Variants in LRP4 observed in about 807,000 individuals in gnomAD.
LRP4 encodes low-density lipoprotein receptor-related protein 4.
Under a neutral mutation model 220.3 loss-of-function variants are expected in LRP4, and 95 were observed. The observed-to-expected ratio is 0.43, with a 90% confidence interval of 0.37 to 0.51. The LOEUF (loss-of-function observed/expected upper bound fraction) is 0.51, where lower values mean the gene tolerates loss of function less well. Among genes scored for constraint, LRP4 ranks in the 20% least tolerant of loss-of-function variants. LRP4 has a pLI of 0.00. For synonymous variants in LRP4, 903 were observed against 954.6 expected (o/e 0.95, Z 1.00); for missense variants, 1,925 against 2,567.0 (o/e 0.75, Z 5.40).
rs1395654762 is a variant in LRP4, at chr11:46,890,245, A to G, written c.1915+32T>C. On this transcript the variant is annotated intron_variant, in intron 14 of 37. Coordinates refer to ENST00000378623, the MANE Select transcript of LRP4 (RefSeq NM_002334.4). The surrounding 1 kb of genome is among the most constrained non-coding windows in gnomAD (Gnocchi z 5.3). ...GGGCAGGGACGGGGGCAGGAGGACA[A>G]GAGATGAAGGAGACTGAAGGAAGGG... 1 of 1,608,222 alleles carries G rather than the reference A, an allele frequency of 6.2e-7. No individual in the cohort carries two copies.
chr11:46,901,342 G>A (rs1302760560), intron 2 of LRP4, among the ~76,000 whole-genome samples: 4 of 152,086 alleles, frequency 2.6e-5, no homozygotes, highest in East Asian at 3.8e-4. Context: ...TGACACACCC[G>A]GGCTCAATTT....
intron 37 of LRP4, chr11:46,860,945 A>T (rs1940528662): frequency 1.0e-6 from 1 of 985,132 alleles, no homozygotes. Flanking sequence ...TCAAGAGGAA[A>T]TCAGAAGAGA....
At chr11:46,885,793 G>GAAC (rs1941277750) in intron 18 of LRP4, among the ~76,000 whole-genome samples, 1 of 139,776 alleles carries the variant, frequency 7.2e-6, no homozygotes, top group African/African-American at 2.7e-5. Context: ...AAAAAAAAAG[G>GAAC]CTGATTTACC....
intron 34 of LRP4, among the ~76,000 whole-genome samples, chr11:46,867,291 T>C (rs1259471047): frequency 2.6e-5 from 4 of 152,138 alleles, no homozygotes; most frequent in Non-Finnish European, 5.9e-5. Context: ...GGAAACCTTT[T>C]TGTTCCAAGT....
intron 37 of LRP4, among the ~76,000 whole-genome samples, chr11:46,861,394 C>T (rs1178929930): frequency 6.6e-6 from 1 of 151,822 alleles, no homozygotes; most frequent in East Asian, 1.9e-4. Flanking sequence ...AAGAAGTAGA[C>T]TGATGAGGAT....
intron 1 of LRP4, among the ~76,000 whole-genome samples, chr11:46,916,423 G>C (rs1941947117): frequency 6.6e-6 from 1 of 152,126 alleles, no homozygotes; most frequent in Non-Finnish European, 1.5e-5. Context: ...CTGGGCAACA[G>C]AGTGAGACAC....
chr11:46,859,288 C>A lies in LRP4; in HGVS notation c.5413G>T (p.Glu1805Ter). 6.2e-7 allele frequency: 1 copy of A among 1,614,070 alleles called. No homozygotes were observed. Among genetic ancestry groups the A allele is most frequent in the Non-Finnish European group, 8.5e-7 (1 of 1,180,010 alleles). ...EGGPDHNYTK[E>*]KIKIVEGICL... ...ATTCCCTCTACGATCTTGATCTTCT[C>A]CTTGGTGTAGTTATGGTCAGGCCCT... Residue 1805 changes from glutamate (E) to a stop codon, truncating the protein, a stop_gained, in exon 38 of 38, where the codon GAG (glutamate) becomes TAG (stop). Transcript: ENST00000378623. LOFTEE classifies it high-confidence loss of function.
Position 46,898,753 on chromosome 11 carries a change from G to A in LRP4, c.677-76C>T, listed in dbSNP as rs7113240. On this transcript the variant is annotated intron_variant, in intron 6 of 37. Transcript: ENST00000378623. ...GGCAGACTAGAAGGCCACAGCCCCA[G>A]AATCCCAGTTCCTCCATCTCTTCCC... The A allele has an allele frequency of 1.9e-4, 300 of 1,607,256 alleles. No homozygotes were observed. The African/African-American group carries it at 3.7e-3, about 20-fold the overall frequency.
chr11:46,874,901 A>G lies in LRP4; in HGVS notation c.4128T>C (p.Asp1376=). ...TGAGCTCAGGAACAGGGACATGCAC[A>G]TCGGTGTGGTCACTGGTGTCCAGTG... ...RISLDTSDHT[D]VHVPVPELNN... The change falls in exon 28 of 38, where the codon GAT becomes GAC. Residue 1376 remains aspartate, a synonymous_variant. Transcript: ENST00000378623. The G allele has an allele frequency of 6.2e-7, 1 of 1,614,230 alleles. No individual in the cohort carries two copies. Among genetic ancestry groups the G allele is most frequent in the South Asian group, 1.1e-5 (1 of 91,086 alleles).
chr11:46,882,001 C>A (rs1029371933), intron 19 of LRP4, 98 bp from the exon 20 acceptor site: 15 of 1,109,462 alleles, frequency 1.4e-5, no homozygotes, highest in Non-Finnish European at 2.7e-6. Context: ...TGAAGCAGAT[C>A]CTCATCAGCC....
At chr11:46,914,919 T>C (rs1941924115) in intron 1 of LRP4, among the ~76,000 whole-genome samples, 1 of 152,144 alleles carries the variant, frequency 6.6e-6, no homozygotes, top group Non-Finnish European at 1.5e-5. Context: ...TGGCAGTTAA[T>C]CGGTAGAAAG....
intron 37 of LRP4, among the ~76,000 whole-genome samples, chr11:46,862,117 T>C (rs941393880): frequency 1.3e-5 from 2 of 149,446 alleles, no homozygotes; most frequent in African/African-American, 4.9e-5. Context: ...CCTTCAGAAT[T>C]CTAGAGAAAT....
Position 46,892,953 on chromosome 11 carries a change from G to C in LRP4, c.1697+20C>G. 6.2e-7 allele frequency: 1 copy of C among 1,611,662 alleles called. No individual in the cohort carries two copies. The highest frequency in any genetic ancestry group is 8.5e-7 in the Non-Finnish European group (1 of 1,179,576). On this transcript the variant is annotated intron_variant, in intron 13 of 37. Transcript: ENST00000378623. ...CCCGAGAGGTTGCAAGAAAGTTCGG[G>C]AGCCTGAGATACAACTTACCCCTCC...
chr11:46,878,629 G>A (rs1941075399), intron 22 of LRP4, among the ~76,000 whole-genome samples: 1 of 152,140 alleles, frequency 6.6e-6, no homozygotes, highest in South Asian at 2.1e-4. Context: ...TAAGAGATGA[G>A]AGGAAAGTGT....
chr11:46,908,461 A>T (rs1398779350), intron 1 of LRP4, among the ~76,000 whole-genome samples: 1 of 152,216 alleles, frequency 6.6e-6, no homozygotes, highest in African/African-American at 2.4e-5. Flanking sequence ...GAACCACAGA[A>T]AGGTTAAGTC....
rs761403316 is a variant in LRP4, at chr11:46,859,075, C to T, written c.5626G>A (p.Val1876Ile). The T allele has an allele frequency of 3.5e-5, 57 of 1,613,996 alleles. No individual in the cohort carries two copies. Among genetic ancestry groups the T allele is most frequent in the African/African-American group, 1.5e-4 (11 of 74,916 alleles). The part of the protein sequence containing the change: ...LQEEQSECSS[V>I]HTAATPERRG... ...CTTTCTGGAGTGGCTGCAGTATGGA[C>T]GCTGCTACACTCAGACTGCTCTTCC... Residue 1876 changes from valine (V) to isoleucine (I), a missense_variant, in exon 38 of 38, where the codon GTC becomes ATC. Physicochemically the swap from Val to Ile is conservative, Grantham distance 29 (BLOSUM62 3). Coordinates refer to ENST00000378623, the MANE Select transcript of LRP4 (RefSeq NM_002334.4).
chr11:46,875,329 G>T lies in LRP4; in HGVS notation c.3925+127C>A. On this transcript the variant is annotated intron_variant, in intron 27 of 37. Coordinates refer to ENST00000378623, the MANE Select transcript of LRP4 (RefSeq NM_002334.4). This position sits in a 1 kb window ranked among gnomAD's most constrained non-coding sequence, Gnocchi z 4.5. ...GAGAGAACACAGCCCAATCTGGAAGGGAGCTTAAACAGGTCACCGTCTTTC... is the reference window on the plus strand; with the variant it reads ...GAGAGAACACAGCCCAATCTGGAAGTGAGCTTAAACAGGTCACCGTCTTTC... 1 of 961,262 alleles carries T rather than the reference G, an allele frequency of 1.0e-6. No individual in the cohort carries two copies. The highest frequency in any genetic ancestry group is 1.6e-6 in the Non-Finnish European group (1 of 621,824). The allele number at this position is 961,262 out of a possible 1,614,324, so 59.5% of individuals were successfully genotyped here. A position where few individuals can be genotyped will look rare whatever the true frequency, so the allele number is the denominator to read the frequency against.
rs1026525960 is a variant in LRP4, at chr11:46,858,626, T to A, written c.*357A>T. On this transcript the variant is annotated 3_prime_UTR_variant, in exon 38 of 38. Coordinates refer to ENST00000378623, the MANE Select transcript of LRP4 (RefSeq NM_002334.4). ...TGGGGCAGAGCGCAGTCCTGGGTCA[T>A]CAGCTGCATCAGCACTGAGAAGCAG... is the stretch of plus-strand genomic sequence containing the variant. 1 of 366,456 alleles carries A rather than the reference T, an allele frequency of 2.7e-6. No individual in the cohort carries two copies. The highest frequency in any genetic ancestry group is 2.1e-5 in the African/African-American group (1 of 47,354). The allele number at this position is 366,456 out of a possible 1,614,324, so 22.7% of individuals were successfully genotyped here.
intron 12 of LRP4, among the ~76,000 whole-genome samples, 161 bp downstream of exon 12, chr11:46,894,428 T>C (rs745808021): frequency 6.6e-6 from 1 of 152,220 alleles, no homozygotes; most frequent in Non-Finnish European, 1.5e-5. Flanking sequence ...AAAATTGATA[T>C]ACATTAACAA....
Sources: allele counts gnomAD v4.1 joint callset (sites outside exome capture counted in the v4.1 genomes callset), GRCh38; gene constraint gnomAD v4.1.1; non-coding constraint Gnocchi (gnomAD v3.1); transcripts MANE v1.5; gene names NCBI Gene and HGNC (gene_info 2026-07-23, HGNC 2026-07-21).